Variants in ABLIM1 observed in about 807,000 individuals in gnomAD.
ABLIM1 encodes the protein actin-binding LIM protein 1.
Under a neutral mutation model 107.0 loss-of-function variants are expected in ABLIM1, and 40 were observed. That is an observed-to-expected ratio of 0.37 (90% confidence interval 0.29 to 0.49). The LOEUF (loss-of-function observed/expected upper bound fraction) is 0.49, where lower values mean the gene tolerates loss of function less well. Ranked by LOEUF, ABLIM1 falls within the 20% of genes least tolerant of loss-of-function variation. The pLI is 0.97. For synonymous variants in ABLIM1, 357 were observed against 357.3 expected, an observed-to-expected ratio of 1.00 and a Z score of 0.01; for missense variants, 857 against 1,008.5, an observed-to-expected ratio of 0.85 and a Z score of 2.04.
At chr10:114,647,218 T>C (rs2079049539) in intron 1 of ABLIM1, among the ~76,000 whole-genome samples, 1 of 145,568 alleles carries the variant, frequency 6.9e-6, no homozygotes, top group Non-Finnish European at 1.5e-5. Context: ...AGACTGGTCT[T>C]GAACTGCTGA....
At chr10:114,792,265 G>T in the ABLIM1 span, among the ~76,000 whole-genome samples, 1 of 152,164 alleles carries the variant, frequency 6.6e-6, no homozygotes, top group Non-Finnish European at 1.5e-5. Context: ...AGGTTGCAGT[G>T]AGCCAAGATC....
chr10:114,670,083 G>T (rs1211036149), intron 1 of ABLIM1, among the ~76,000 whole-genome samples: 2 of 152,162 alleles, frequency 1.3e-5, no homozygotes, highest in Admixed American at 6.5e-5. Context: ...CCACAGAAGG[G>T]ACTGCAGAAC....
upstream of ABLIM1, among the ~76,000 whole-genome samples, chr10:114,769,172 G>GAAAAA (rs35691537): frequency 2.4e-4 from 11 of 46,514 alleles, no homozygotes; most frequent in Non-Finnish European, 3.4e-4. Context: ...TGTCTTCAAT[G>GAAAAA]AAAAAAAAAA....
chr10:114,553,395 C>T (rs2497726), intron 4 of ABLIM1, among the ~76,000 whole-genome samples: 55,540 of 152,110 alleles, frequency 0.37, 13,191 homozygotes, highest in African/African-American at 0.68. Context: ...GAGGTGAGAA[C>T]GATGGGGAGA....
intron 1 of ABLIM1, among the ~76,000 whole-genome samples, chr10:114,756,094 G>GTGTA: frequency 6.6e-6 from 1 of 152,054 alleles, no homozygotes; most frequent in East Asian, 1.9e-4. Context: ...GTGTGTGTGT[G>GTGTA]TGTGTGTGTG....
chr10:114,614,137 T>G (rs370007636), intron 1 of ABLIM1, among the ~76,000 whole-genome samples: 1 of 152,010 alleles, frequency 6.6e-6, no homozygotes, highest in African/African-American at 2.4e-5. Flanking sequence ...TCCATGGAAC[T>G]CCTAAATGTA....
At chr10:114,730,192 G>T (rs1265953860) in intron 1 of ABLIM1, among the ~76,000 whole-genome samples, 3 of 152,070 alleles carry the variant, frequency 2.0e-5, no homozygotes, top group African/African-American at 7.3e-5. Context: ...GAGGTCAGGA[G>T]TTCCAGACCA....
At chr10:114,505,539 A>T (rs999874151) in intron 6 of ABLIM1, among the ~76,000 whole-genome samples, 1 of 152,218 alleles carries the variant, frequency 6.6e-6, no homozygotes, top group Non-Finnish European at 1.5e-5. Flanking sequence ...ATTTGGTGGG[A>T]AGGAATAGGG....
At chr10:114,585,678 A>T (rs1035705318) in intron 2 of ABLIM1, among the ~76,000 whole-genome samples, 10 of 152,130 alleles carry the variant, frequency 6.6e-5, no homozygotes, top group South Asian at 4.1e-4. Context: ...TACTCCAGTC[A>T]ATCTCCTCAG....
At chr10:114,439,583 A>T (rs1415857726) in intron 20 of ABLIM1, 1 of 404,940 alleles carries the variant, frequency 2.5e-6, no homozygotes, top group South Asian at 3.0e-5. Flanking sequence ...TTTTCTATGC[A>T]TTTTTCTTCT....
intron 5 of ABLIM1, among the ~76,000 whole-genome samples, chr10:114,545,648 G>A (rs1191923021): frequency 2.6e-5 from 4 of 152,202 alleles, no homozygotes; most frequent in Middle Eastern, 3.4e-3. Context: ...ACTGAGGCCC[G>A]GCACGGTGGC....
chr10:114,598,274 CAAAAAA>C (rs58133284), intron 2 of ABLIM1, among the ~76,000 whole-genome samples: 1 of 63,812 alleles, frequency 1.6e-5, no homozygotes, highest in East Asian at 4.8e-4. Flanking sequence ...AACTCCATCT[CAAAAAA>C]AAAAAAAAAA....
intron 1 of ABLIM1, among the ~76,000 whole-genome samples, chr10:114,679,193 C>G (rs1046317045): frequency 1.2e-4 from 19 of 152,194 alleles, no homozygotes; most frequent in Non-Finnish European, 2.4e-4. Flanking sequence ...AAGAAAGCAG[C>G]ATGACACCAA....
intron 1 of ABLIM1, among the ~76,000 whole-genome samples, chr10:114,718,718 C>A (rs2081765158): frequency 6.6e-6 from 1 of 152,192 alleles, no homozygotes; most frequent in South Asian, 2.1e-4. Context: ...TTGCATTGAA[C>A]CAACAATGCT....
chr10:114,685,341 C>T (rs1358834950), upstream of ABLIM1, among the ~76,000 whole-genome samples: 1 of 152,016 alleles, frequency 6.6e-6, no homozygotes, highest in East Asian at 1.9e-4. Context: ...TTAATTCCTC[C>T]AATAAAGATG....
rs1230500917 is a variant in ABLIM1 at position 114,629,777 on chromosome 10, A to G, written c.245-27816T>C. On this transcript the variant is annotated intron_variant, in intron 1 of 22. Transcript: ENST00000533213. The surrounding 1 kb of genome is among the most constrained non-coding windows in gnomAD (Gnocchi z 4.0). Reference sequence around the variant, plus strand: ...CTAAACGATCCCCAGTGCCCTTCTCACTTTAAGGGCTATGAAGAAGTTCCC... The same window carrying G: ...CTAAACGATCCCCAGTGCCCTTCTCGCTTTAAGGGCTATGAAGAAGTTCCC... Among the ~76,000 whole-genome samples, 1 of 152,102 alleles carries G rather than the reference A, an allele frequency of 6.6e-6. No homozygotes were observed. The highest frequency in any genetic ancestry group is 1.5e-5 in the Non-Finnish European group (1 of 68,030).
intron 4 of ABLIM1, among the ~76,000 whole-genome samples, chr10:114,569,842 G>C (rs1298080412): frequency 6.6e-6 from 1 of 152,184 alleles, no homozygotes; most frequent in South Asian, 2.1e-4. Context: ...GCTGTTATTT[G>C]TCGGAAGGTC....
At chr10:114,488,453 A>C (rs2058487560) in intron 7 of ABLIM1, among the ~76,000 whole-genome samples, 2 of 152,224 alleles carry the variant, frequency 1.3e-5, no homozygotes, top group African/African-American at 2.4e-5. Context: ...AGTCAACCAG[A>C]TAGTCTATGT....
chr10:114,627,009 A>G (rs758555684), intron 1 of ABLIM1, among the ~76,000 whole-genome samples: 1 of 152,168 alleles, frequency 6.6e-6, no homozygotes, highest in African/African-American at 2.4e-5. Flanking sequence ...ATCTCAGCCA[A>G]CACCTTGACC....
Sources: gnomAD v4.1 joint callset for allele counts (sites outside exome capture counted in the v4.1 genomes callset) on GRCh38, gnomAD v4.1.1 for gene constraint, Gnocchi (gnomAD v3.1) non-coding constraint, MANE v1.5 for transcripts, NCBI Gene and HGNC (gene_info 2026-07-23, HGNC 2026-07-21) for gene names.